The following KHDRBS2 variants were observed in gnomAD, a reference collection of about 807,000 sequenced individuals.
The protein encoded by KHDRBS2 is KH domain-containing, RNA-binding, signal transduction-associated protein 2.
In KHDRBS2, 26 loss-of-function variants were observed where a neutral mutation model predicts 44.3. The observed-to-expected ratio is 0.59, with a 90% CI of 0.43 to 0.81. KHDRBS2 has a LOEUF of 0.81. Ranked by LOEUF, KHDRBS2 falls within the 40% of genes least tolerant of loss-of-function variation. KHDRBS2 has a pLI of 0.00. For missense variants in KHDRBS2, 476 were observed against 433.1 expected (o/e 1.10, Z -0.88); for synonymous variants, 194 against 151.1 (o/e 1.28, Z -2.08).
At chr6:61,671,788 A>G in the KHDRBS2 span, among the ~76,000 whole-genome samples, 1 of 151,814 alleles carries the variant, frequency 6.6e-6, no homozygotes, top group East Asian at 2.0e-4. Context: ...ACATGACTGC[A>G]TGGCTTATAC....
intron 7 of KHDRBS2, among the ~76,000 whole-genome samples, chr6:61,715,426 C>A (rs1771231752): frequency 6.6e-6 from 1 of 152,012 alleles, no homozygotes; most frequent in East Asian, 1.9e-4. Context: ...ATCGCCTCAG[C>A]TATATGCCCC....
At position 62,129,742 on chromosome 6, in the gene KHDRBS2, T is replaced by A. The variant is rs185613338; in HGVS notation, c.219+47443A>T. On this transcript the variant is annotated intron_variant, in intron 2 of 8. Coordinates refer to ENST00000281156, the MANE Select transcript of KHDRBS2 (RefSeq NM_152688.4). ...ATTTTTTTTTCACTTTTACTAGCCA[T>A]ATTTGACATGCTCTATAGCCATATG... Among the ~76,000 whole-genome samples, 126 of 152,232 alleles carry A rather than the reference T, an allele frequency of 8.3e-4. 1 individual carries two copies. The Middle Eastern group carries it at 0.031, about 37-fold the overall frequency.
intron 1 of KHDRBS2, among the ~76,000 whole-genome samples, chr6:62,246,651 A>G (rs1835627194): frequency 6.6e-6 from 1 of 152,078 alleles, no homozygotes; most frequent in Non-Finnish European, 1.5e-5. Context: ...CAAAGTAGGA[A>G]TAGAAAAATC....
intron 7 of KHDRBS2, among the ~76,000 whole-genome samples, chr6:61,728,018 C>CAACCTA (rs1773851143): frequency 1.3e-5 from 2 of 152,174 alleles, no homozygotes; most frequent in South Asian, 4.1e-4. Context: ...GACATGGAAT[C>CAACCTA]AACCTAAACC....
intron 1 of KHDRBS2, among the ~76,000 whole-genome samples, chr6:62,187,446 C>T (rs1390069504): frequency 6.6e-6 from 1 of 152,060 alleles, no homozygotes; most frequent in African/African-American, 2.4e-5. Context: ...CTTCTTCAAT[C>T]TTACAGTCTA....
intron 3 of KHDRBS2, among the ~76,000 whole-genome samples, chr6:62,006,808 CA>C (rs1282586542): frequency 6.6e-6 from 1 of 151,508 alleles, no homozygotes; most frequent in Non-Finnish European, 1.5e-5. Flanking sequence ...AATAATAAAG[CA>C]AATTATAGAT....
chr6:62,175,030 G>A (rs1479873054), intron 2 of KHDRBS2, among the ~76,000 whole-genome samples: 1 of 151,430 alleles, frequency 6.6e-6, no homozygotes, highest in Non-Finnish European at 1.5e-5. Context: ...CACAACTTTT[G>A]TAATAAAATA....
chr6:61,968,780 C>A (rs1770680378), intron 4 of KHDRBS2, among the ~76,000 whole-genome samples: 1 of 151,978 alleles, frequency 6.6e-6, no homozygotes, highest in Admixed American at 6.6e-5. Context: ...GGCATCTGAT[C>A]AGGCCCTTTT....
At chr6:62,008,314 T>C (rs1221331895) in intron 3 of KHDRBS2, among the ~76,000 whole-genome samples, 1 of 152,152 alleles carries the variant, frequency 6.6e-6, no homozygotes. Context: ...TTTTTCCTAG[T>C]CATGTGACAG....
intron 7 of KHDRBS2, among the ~76,000 whole-genome samples, chr6:61,705,913 TA>T (rs1769461316): frequency 6.6e-6 from 1 of 151,836 alleles, no homozygotes; most frequent in Non-Finnish European, 1.5e-5. Context: ...AATCCATCTT[TA>T]TATGTGCTAT....
rs377515863 is a variant in KHDRBS2, at chr6:62,142,310, T to G, written c.219+34875A>C. ...TTGTCTTGTTTTAGGTCTCTGTTTG[T>G]GTTTTGATGGGTAGAAATGTGTCTT... On this transcript the variant is annotated intron_variant, in intron 2 of 8. Coordinates refer to ENST00000281156, the MANE Select transcript of KHDRBS2 (RefSeq NM_152688.4). Among the ~76,000 whole-genome samples, 14 of 152,184 alleles carry G rather than the reference T, an allele frequency of 9.2e-5. No individual in the cohort carries two copies. The East Asian group carries it at 2.3e-3, about 25-fold the overall frequency.
the KHDRBS2 span, among the ~76,000 whole-genome samples, chr6:61,638,614 A>C: frequency 6.6e-6 from 1 of 152,178 alleles, no homozygotes; most frequent in East Asian, 1.9e-4. Flanking sequence ...CTTCATGTCT[A>C]AAACACCAAA....
intron 1 of KHDRBS2, among the ~76,000 whole-genome samples, chr6:62,226,703 T>C (rs1341894560): frequency 2.6e-5 from 4 of 152,154 alleles, no homozygotes; most frequent in East Asian, 1.9e-4. Flanking sequence ...TTTTTAGATA[T>C]AGTGTAAGGT....
the KHDRBS2 span, among the ~76,000 whole-genome samples, chr6:61,605,367 C>A: frequency 6.6e-6 from 1 of 152,130 alleles, no homozygotes; most frequent in Non-Finnish European, 1.5e-5. Context: ...TAGTACCATA[C>A]CATAGCTGAT....
chr6:62,166,978 T>C (rs1046064767), intron 2 of KHDRBS2, among the ~76,000 whole-genome samples: 1 of 152,044 alleles, frequency 6.6e-6, no homozygotes, highest in East Asian at 1.9e-4. Flanking sequence ...AGATGAAAGA[T>C]TTTTTGGCTG....
intron 6 of KHDRBS2, among the ~76,000 whole-genome samples, chr6:61,815,421 T>C (rs565156995): frequency 3.2e-4 from 49 of 152,314 alleles, no homozygotes; most frequent in Admixed American, 8.5e-4. Context: ...GGAACTACGA[T>C]AATATTTTAG....
rs554038131 is a variant in KHDRBS2 at position 62,116,713 on chromosome 6, T to C, written c.219+60472A>G. On this transcript the variant is annotated intron_variant, in intron 2 of 8. Coordinates refer to ENST00000281156, the MANE Select transcript of KHDRBS2 (RefSeq NM_152688.4). The stretch of plus-strand genomic sequence containing the variant: ...CAAACACTAGAACTTGTTTCTTCTA[T>C]CTAACCATATATATGTATAAATGCC... Among the ~76,000 whole-genome samples the C allele has an allele frequency of 2.0e-5, 3 of 152,290 alleles. No individual in the cohort carries two copies. The South Asian group carries it at 6.2e-4, about 32-fold the overall frequency.
At chr6:61,672,606 G>A in the KHDRBS2 span, among the ~76,000 whole-genome samples, 187 of 151,984 alleles carry the variant, frequency 1.2e-3, 1 homozygote, top group African/African-American at 4.2e-3. Context: ...GTGATGGTGA[G>A]CATTTTTTCA....
intron 3 of KHDRBS2, among the ~76,000 whole-genome samples, chr6:62,001,546 G>A (rs1201884700): frequency 6.6e-6 from 1 of 151,982 alleles, no homozygotes; most frequent in African/African-American, 2.4e-5. Context: ...AAAAATTACA[G>A]AAAACCAAGA....
Sources: gnomAD v4.1 joint callset for allele counts (sites outside exome capture counted in the v4.1 genomes callset) on GRCh38, gnomAD v4.1.1 for gene constraint, MANE v1.5 for transcripts, NCBI Gene and HGNC (gene_info 2026-07-23, HGNC 2026-07-21) for gene names.